TAFA1: variants seen among roughly 807,000 people sequenced by gnomAD.
TAFA1 encodes TAFA chemokine like family member 1, also known as chemokine-like protein TAFA-1.
A neutral mutation model predicts 18.5 loss-of-function variants in TAFA1; 4 were observed. That is an observed-to-expected ratio of 0.22 (90% CI 0.11 to 0.49). The LOEUF (loss-of-function observed/expected upper bound fraction) is 0.49. TAFA1 is among the 20% of genes least tolerant of loss of function. The pLI, the probability that TAFA1 is intolerant of heterozygous loss-of-function variation, is 0.98. For synonymous variants in TAFA1, 56 were observed against 55.2 expected, an observed-to-expected ratio of 1.01 and a Z score of -0.06; for missense variants, 147 against 169.0, an observed-to-expected ratio of 0.87 and a Z score of 0.72.
chr3:68,256,731 A>G (rs758343326), intron 2 of TAFA1, among the ~76,000 whole-genome samples: 32 of 152,112 alleles, frequency 2.1e-4, no homozygotes, highest in Non-Finnish European at 2.9e-5. Context: ...GGTTAATTAT[A>G]ATATAAATCA....
chr3:68,538,998 A>G, intron 4 of TAFA1, 118 bp downstream of exon 4: 1 of 1,066,330 alleles, frequency 9.4e-7, no homozygotes, highest in Non-Finnish European at 1.4e-6. Flanking sequence ...CCACTGACAG[A>G]AAGCATTCTG....
At chr3:68,383,641 T>C (rs2070028784) in intron 2 of TAFA1, among the ~76,000 whole-genome samples, 1 of 152,120 alleles carries the variant, frequency 6.6e-6, no homozygotes, top group African/African-American at 2.4e-5. Flanking sequence ...CCTGAAGTTT[T>C]TTTGTTGTTG....
In TAFA1 at chr3:68,295,010, C is replaced by A. The variant is rs184453176; in HGVS notation, c.119-122270C>A. The stretch of plus-strand genomic sequence containing the variant: ...GAATCTGAATTTAGAGTCAGAAGCT[C>A]TAGGTGTGAACTTGCTTCTCCCATT... On this transcript the variant is annotated intron_variant, in intron 2 of 4. Transcript: ENST00000478136. Among the ~76,000 whole-genome samples, 5 of 152,256 alleles carry A rather than the reference C, an allele frequency of 3.3e-5. No homozygotes were observed. In the East Asian group the frequency reaches 9.7e-4, roughly 29 times the overall value.
chr3:68,499,116 A>T (rs1235692388), intron 3 of TAFA1, among the ~76,000 whole-genome samples: 2 of 152,108 alleles, frequency 1.3e-5, no homozygotes, highest in Admixed American at 6.6e-5. Context: ...TACTCTTTTA[A>T]AGCAGCCTAG....
At chr3:68,331,118 A>G in intron 2 of TAFA1, among the ~76,000 whole-genome samples, 1 of 151,960 alleles carries the variant, frequency 6.6e-6, no homozygotes, top group Middle Eastern at 3.4e-3. Flanking sequence ...TAAAAATATT[A>G]AGTACTAGTA....
chr3:68,185,156 G>C lies in TAFA1; in HGVS notation c.118+178412G>C, dbSNP rs138577243. ...TAGCCAGAGGAACCAGTCCGCATGG[G>C]AGACAGCAAGAAGGGTATTCCTGAG... is the stretch of plus-strand genomic sequence containing the variant. On this transcript the variant is annotated intron_variant, in intron 2 of 4. Transcript: ENST00000478136. Among the ~76,000 whole-genome samples, 9 of 152,246 alleles carry C rather than the reference G, an allele frequency of 5.9e-5. No homozygotes were observed. The East Asian group carries it at 1.7e-3, about 29-fold the overall frequency.
rs1353493315 is a variant in TAFA1, at chr3:68,479,241, A to AAAATAT, written c.260-59514_260-59513insAATATA. ...TGAGACTCCATCTCAAAAAAAAAAA[A>AAAATAT]ATATATATATATATATATATATGTC... On this transcript the variant is annotated intron_variant, in intron 3 of 4. Coordinates refer to ENST00000478136, the MANE Select transcript of TAFA1 (RefSeq NM_213609.4). Among the ~76,000 whole-genome samples the AAAATAT allele has an allele frequency of 8.3e-3, 1,025 of 123,552 alleles. 9 individuals carry two copies. Among genetic ancestry groups the AAAATAT allele is most frequent in the African/African-American group, 0.02 (542 of 27,698 alleles). The allele number at this position is 123,552 out of a possible 152,430, so 81.1% of individuals were successfully genotyped here.
At chr3:68,270,509 C>T (rs1022800245) in intron 2 of TAFA1, among the ~76,000 whole-genome samples, 3 of 152,132 alleles carry the variant, frequency 2.0e-5, no homozygotes, top group African/African-American at 7.2e-5. Flanking sequence ...TTTTATGCAG[C>T]ATCGATTCCC....
intron 3 of TAFA1, among the ~76,000 whole-genome samples, chr3:68,445,948 C>T (rs1375331014): frequency 2.6e-5 from 4 of 152,140 alleles, no homozygotes; most frequent in African/African-American, 9.7e-5. Context: ...TTTGCCCAGG[C>T]TGGAATGCAG....
chr3:68,373,547 C>T (rs553184867), intron 2 of TAFA1, among the ~76,000 whole-genome samples: 3 of 152,266 alleles, frequency 2.0e-5, no homozygotes, highest in South Asian at 4.1e-4. Context: ...CCCCCTTTGC[C>T]CTTTCTAAGG....
intron 2 of TAFA1, among the ~76,000 whole-genome samples, chr3:68,211,378 A>T (rs1461428316): frequency 6.6e-6 from 1 of 152,048 alleles, no homozygotes; most frequent in African/African-American, 2.4e-5. Context: ...TATTTAAGAG[A>T]GAAGATTCTA....
intron 2 of TAFA1, among the ~76,000 whole-genome samples, chr3:68,382,530 G>A (rs761190004): frequency 1.1e-4 from 16 of 152,082 alleles, no homozygotes; most frequent in African/African-American, 2.4e-4. Flanking sequence ...GATTATTATC[G>A]TTATGGGGCC....
At chr3:68,368,090 T>A (rs1259781535) in intron 2 of TAFA1, among the ~76,000 whole-genome samples, 2 of 152,216 alleles carry the variant, frequency 1.3e-5, no homozygotes, top group Admixed American at 1.3e-4. Flanking sequence ...TAAATATACA[T>A]GTAATTCTGC....
chr3:68,216,437 T>C (rs760182413), intron 2 of TAFA1, among the ~76,000 whole-genome samples: 4 of 152,122 alleles, frequency 2.6e-5, no homozygotes, highest in Non-Finnish European at 4.4e-5. Context: ...ATGCTGACTT[T>C]AGTAATTTTG....
At chr3:68,364,529 A>C (rs924399044) in intron 2 of TAFA1, among the ~76,000 whole-genome samples, 1 of 152,202 alleles carries the variant, frequency 6.6e-6, no homozygotes, top group Non-Finnish European at 1.5e-5. Flanking sequence ...AAAGAGAAGG[A>C]TGCATTTCAA....
intron 2 of TAFA1, among the ~76,000 whole-genome samples, chr3:68,028,887 G>T (rs1704874315): frequency 6.6e-6 from 1 of 152,048 alleles, no homozygotes; most frequent in Admixed American, 6.6e-5. Context: ...CTGAGTAGCT[G>T]AGACTACAAG....
chr3:68,154,061 C>A (rs2065837489), intron 2 of TAFA1, among the ~76,000 whole-genome samples: 1 of 152,104 alleles, frequency 6.6e-6, no homozygotes, highest in South Asian at 2.1e-4. Flanking sequence ...GGTTTAATAG[C>A]AAATTAATTT....
At chr3:68,440,583 A>G (rs1383622967) in intron 3 of TAFA1, among the ~76,000 whole-genome samples, 1 of 152,154 alleles carries the variant, frequency 6.6e-6, no homozygotes, top group Non-Finnish European at 1.5e-5. Flanking sequence ...CCCATTCTGT[A>G]TTCCCTTTGC....
intron 2 of TAFA1, among the ~76,000 whole-genome samples, chr3:68,202,660 G>C (rs1333066212): frequency 6.6e-6 from 1 of 151,552 alleles, no homozygotes. Flanking sequence ...TATGGGTACT[G>C]TGAGTAACTT....
Sources: allele counts gnomAD v4.1 joint callset (sites outside exome capture counted in the v4.1 genomes callset), GRCh38; gene constraint gnomAD v4.1.1; transcripts MANE v1.5; gene names NCBI Gene and HGNC (gene_info 2026-07-23, HGNC 2026-07-21).